Variants in P2RY12 observed in about 807,000 individuals in gnomAD.
The protein encoded by P2RY12 is P2Y purinoceptor 12.
P2RY12 carries 3 observed loss-of-function variants against 4.5 expected under a neutral mutation model. The ratio of observed to expected loss-of-function variants is 0.67; its 90% CI spans 0.31 to 1.74. The LOEUF (loss-of-function observed/expected upper bound fraction) is 1.74. Among genes scored for constraint, P2RY12 ranks in the 40% most tolerant of loss-of-function variants. The probability of loss-of-function intolerance (pLI) is 0.09; values close to 1 mark genes in which losing one functional copy is unlikely to be tolerated. For synonymous variants in P2RY12, 148 were observed against 154.1 expected, an observed-to-expected ratio of 0.96 and a Z score of 0.29; for missense variants, 356 against 407.8, an observed-to-expected ratio of 0.87 and a Z score of 1.09.
chr3:151,349,965 G>A, intron 1 of P2RY12: 3 of 1,161,670 alleles, frequency 2.6e-6, no homozygotes, highest in Non-Finnish European at 3.6e-6. Context: ...CCGCAAGCCA[G>A]CATGGAGGTG....
At chr3:151,381,862 C>T (rs1332761621) in intron 1 of P2RY12, among the ~76,000 whole-genome samples, 3 of 152,212 alleles carry the variant, frequency 2.0e-5, no homozygotes, top group African/African-American at 7.2e-5. Flanking sequence ...AGGGTACTTA[C>T]AGGTCATCTG....
chr3:151,350,197 G>A (rs199893161), intron 1 of P2RY12: 1 of 1,613,476 alleles, frequency 6.2e-7, no homozygotes, highest in East Asian at 2.2e-5. Flanking sequence ...GAGCACCACA[G>A]AGACAGGGGG....
chr3:151,378,431 G>A (rs1419427142), intron 1 of P2RY12, among the ~76,000 whole-genome samples: 1 of 151,958 alleles, frequency 6.6e-6, no homozygotes, highest in Admixed American at 6.6e-5. Context: ...TCCGAGACCC[G>A]CTTTAGACCA....
In P2RY12 at chr3:151,383,934, G is replaced by C. The variant is rs1313861951; in HGVS notation, c.-180+758C>G. ...ATTGATTTTGCTACATGTATGCATG[G>C]TATAAGCTTTGATATACTGATGGCG... On this transcript the variant is annotated intron_variant, in intron 1 of 2. Coordinates refer to ENST00000302632, the MANE Select transcript of P2RY12 (RefSeq NM_022788.5). 6 of 1,548,516 alleles carry C rather than the reference G, an allele frequency of 3.9e-6. No individual in the cohort carries two copies. The East Asian group carries it at 1.4e-4, about 35-fold the overall frequency.
At chr3:151,359,220 C>T (rs1013972964) in intron 1 of P2RY12, among the ~76,000 whole-genome samples, 1 of 152,060 alleles carries the variant, frequency 6.6e-6, no homozygotes, top group Non-Finnish European at 1.5e-5. Context: ...AGGATAATGG[C>T]CTGCAGCTAC....
At chr3:151,343,799 T>C (rs1249936170) in intron 1 of P2RY12, among the ~76,000 whole-genome samples, 4 of 152,162 alleles carry the variant, frequency 2.6e-5, no homozygotes, top group African/African-American at 9.7e-5. Context: ...AGTCTGCTCA[T>C]CTGAAAATGT....
At chr3:151,348,525 C>A (rs182026123) in intron 1 of P2RY12, among the ~76,000 whole-genome samples, 5 of 151,048 alleles carry the variant, frequency 3.3e-5, no homozygotes, top group African/African-American at 1.2e-4. Context: ...GAGAGGTACT[C>A]AGGATATTAA....
At chr3:151,351,621 C>T (rs1429841803) in intron 1 of P2RY12, among the ~76,000 whole-genome samples, 1 of 152,140 alleles carries the variant, frequency 6.6e-6, no homozygotes, top group Non-Finnish European at 1.5e-5. Flanking sequence ...AATTTAGAAG[C>T]CCTGAAACTA....
chr3:151,376,079 A>G (rs1284957950), intron 1 of P2RY12: 2 of 1,610,904 alleles, frequency 1.2e-6, no homozygotes, highest in Admixed American at 3.4e-5. Flanking sequence ...GTACAGACAA[A>G]GAACTTATAT....
Position 151,338,802 on chromosome 3 carries a change from CTGG to C in P2RY12, c.41_43del (p.Thr14del), listed in dbSNP as rs1560047097. ...GATTTTGTAGTCTCTGGTGCACAGA[CTGG>C]TGTTACCAGGCGCAGAGGTGAGGTT... On this transcript the variant is annotated inframe_deletion, in exon 3 of 3. Transcript: ENST00000302632. 3 of 1,613,898 alleles carry C rather than the reference CTGG, an allele frequency of 1.9e-6. No homozygotes were observed. The highest frequency in any genetic ancestry group is 2.2e-5 in the South Asian group (2 of 91,068).
At chr3:151,365,319 T>A in intron 1 of P2RY12, 2 of 821,842 alleles carry the variant, frequency 2.4e-6, no homozygotes, top group Non-Finnish European at 4.0e-6. Flanking sequence ...TATCATTTGC[T>A]TTTTCTAAAT....
At chr3:151,357,106 T>C (rs964734295) in intron 1 of P2RY12, 1 of 917,336 alleles carries the variant, frequency 1.1e-6, no homozygotes, top group Non-Finnish European at 1.6e-6. Flanking sequence ...ATTTAGGGAA[T>C]GTATTTGTAG....
chr3:151,365,857 G>A (rs768404628), intron 1 of P2RY12: 17 of 1,608,624 alleles, frequency 1.1e-5, no homozygotes, highest in Non-Finnish European at 1.4e-5. Flanking sequence ...TAGGATTAAC[G>A]ACATAGCCAA....
intron 1 of P2RY12, 190 bp from the exon 2 acceptor site, chr3:151,340,950 C>G (rs145478181): frequency 6.6e-6 from 1 of 152,096 alleles, no homozygotes; most frequent in East Asian, 1.9e-4. Flanking sequence ...TAAAATCTTG[C>G]GGCTTTTTAC....
chr3:151,347,481 T>C (rs1329267381), intron 1 of P2RY12, among the ~76,000 whole-genome samples: 1 of 152,164 alleles, frequency 6.6e-6, no homozygotes, highest in African/African-American at 2.4e-5. Context: ...TGCTCCAAAG[T>C]CTACTTCCCC....
At chr3:151,368,069 G>T in intron 1 of P2RY12, 1 of 1,137,198 alleles carries the variant, frequency 8.8e-7, no homozygotes. Context: ...ATTATTCCAG[G>T]AAATTTAGCT....
intron 1 of P2RY12, chr3:151,376,649 G>A (rs763440785): frequency 7.6e-6 from 5 of 658,786 alleles, no homozygotes; most frequent in Non-Finnish European, 1.3e-5. Context: ...GAATATATAT[G>A]CAGCAAGATT....
chr3:151,345,877 G>C (rs1752477300), intron 1 of P2RY12, among the ~76,000 whole-genome samples: 1 of 152,136 alleles, frequency 6.6e-6, no homozygotes, highest in African/African-American at 2.4e-5. Context: ...TTGAAAAATA[G>C]TAGCTTCTAA....
Position 151,337,512 on chromosome 3 carries a change from A to G in P2RY12, c.*305T>C, listed in dbSNP as rs939175453. ...TATTTTAAAAATTACAGTAAATATT[A>G]TATGATTACTCATTTTGGCAAAACT... On this transcript the variant is annotated 3_prime_UTR_variant, in exon 3 of 3. Coordinates refer to ENST00000302632, the MANE Select transcript of P2RY12 (RefSeq NM_022788.5). 1 of 299,854 alleles carries G rather than the reference A, an allele frequency of 3.3e-6. No homozygotes were observed. The highest frequency in any genetic ancestry group is 6.3e-6 in the Non-Finnish European group (1 of 159,954). 18.6% of individuals were successfully genotyped at this position (299,854 alleles called of 1,614,324 possible).
Sources: allele counts gnomAD v4.1 joint callset (sites outside exome capture counted in the v4.1 genomes callset), GRCh38; gene constraint gnomAD v4.1.1; transcripts MANE v1.5; gene names NCBI Gene and HGNC (gene_info 2026-07-23, HGNC 2026-07-21).